The following LRRTM4 variants were observed in gnomAD, a reference collection of about 807,000 sequenced individuals.
LRRTM4 encodes the protein leucine rich repeat transmembrane neuronal 4.
Under a neutral mutation model 47.6 loss-of-function variants are expected in LRRTM4, and 25 were observed. The observed-to-expected ratio is 0.53, with a 90% CI of 0.38 to 0.73. The LOEUF (loss-of-function observed/expected upper bound fraction) is 0.73. Ranked by LOEUF, LRRTM4 falls within the 30% of genes least tolerant of loss-of-function variation. LRRTM4 has a pLI of 0.00. For synonymous variants in LRRTM4, 311 were observed against 269.5 expected (o/e 1.15, Z -1.51); for missense variants, 638 against 713.4 (o/e 0.89, Z 1.20).
At chr2:77,148,382 T>C (rs913722475) in intron 3 of LRRTM4, among the ~76,000 whole-genome samples, 1 of 152,198 alleles carries the variant, frequency 6.6e-6, no homozygotes, top group African/African-American at 2.4e-5. Flanking sequence ...ATTTAACTGC[T>C]ATACTAAGAA....
At chr2:76,833,270 C>T (rs1238791324) in intron 3 of LRRTM4, among the ~76,000 whole-genome samples, 22 of 152,108 alleles carry the variant, frequency 1.4e-4, no homozygotes, top group South Asian at 4.1e-4. Flanking sequence ...AAGAATCCTC[C>T]GTGACTTATC....
At chr2:76,962,602 T>C (rs919384796) in intron 3 of LRRTM4, among the ~76,000 whole-genome samples, 1 of 150,766 alleles carries the variant, frequency 6.6e-6, no homozygotes, top group African/African-American at 2.4e-5. Flanking sequence ...AACCCACGTA[T>C]GTATTTATTT....
chr2:77,046,682 A>G (rs551329807), intron 3 of LRRTM4, among the ~76,000 whole-genome samples: 2 of 152,126 alleles, frequency 1.3e-5, no homozygotes, highest in East Asian at 3.9e-4. Context: ...TAGTAGAAAA[A>G]TAAGATTCAA....
intron 3 of LRRTM4, among the ~76,000 whole-genome samples, chr2:77,199,232 C>T (rs368082366): frequency 3.3e-5 from 5 of 152,302 alleles, no homozygotes; most frequent in African/African-American, 1.2e-4. Flanking sequence ...GGAACCAACT[C>T]TTACTATGCA....
intron 3 of LRRTM4, among the ~76,000 whole-genome samples, chr2:77,069,431 G>A (rs76075232): frequency 0.043 from 6,464 of 151,524 alleles, 155 homozygotes; most frequent in South Asian, 0.081. Flanking sequence ...GTGTGTGTGT[G>A]TGTGTGTTTG....
intron 3 of LRRTM4, among the ~76,000 whole-genome samples, chr2:77,047,546 A>C (rs1006406696): frequency 2.0e-5 from 3 of 151,916 alleles, no homozygotes; most frequent in Non-Finnish European, 4.4e-5. Context: ...CAGGTTATAT[A>C]AACATCACCC....
At chr2:76,769,971 C>T (rs1221797467) in intron 3 of LRRTM4, among the ~76,000 whole-genome samples, 1 of 152,164 alleles carries the variant, frequency 6.6e-6, no homozygotes, top group Non-Finnish European at 1.5e-5. Context: ...CCATCCCAGA[C>T]CTACTCGATC....
At chr2:77,315,101 C>T (rs764981705) in intron 3 of LRRTM4, among the ~76,000 whole-genome samples, 14 of 152,134 alleles carry the variant, frequency 9.2e-5, no homozygotes, top group Admixed American at 5.2e-4. Flanking sequence ...GTAACCCCAT[C>T]GTAAGGAGAG....
At chr2:77,095,806 C>A (rs1670796373) in intron 3 of LRRTM4, among the ~76,000 whole-genome samples, 1 of 152,154 alleles carries the variant, frequency 6.6e-6, no homozygotes, top group Admixed American at 6.5e-5. Context: ...AGCCACTGTG[C>A]CTGGCCTCTA....
chr2:77,305,649 G>A (rs1274878528), intron 3 of LRRTM4, among the ~76,000 whole-genome samples: 1 of 152,102 alleles, frequency 6.6e-6, no homozygotes, highest in Non-Finnish European at 1.5e-5. Context: ...ATGTGTTACT[G>A]CAGAGCTCTT....
At chr2:77,500,785 T>G (rs1162468612) in intron 3 of LRRTM4, among the ~76,000 whole-genome samples, 1 of 151,556 alleles carries the variant, frequency 6.6e-6, no homozygotes, top group Non-Finnish European at 1.5e-5. Flanking sequence ...AAAGTTCATC[T>G]CAATATCCTA....
chr2:76,894,632 T>C (rs182348779), intron 3 of LRRTM4, among the ~76,000 whole-genome samples: 96 of 152,104 alleles, frequency 6.3e-4, no homozygotes, highest in Non-Finnish European at 1.0e-3. Context: ...GAATTATATC[T>C]GGTGATGGTA....
chr2:77,186,281 C>T (rs189973531), intron 3 of LRRTM4, among the ~76,000 whole-genome samples: 105 of 152,236 alleles, frequency 6.9e-4, no homozygotes, highest in African/African-American at 2.5e-3. Flanking sequence ...GTGACCTCCA[C>T]GAAGCTCTCA....
At chr2:76,848,343 C>T (rs1361420859) in intron 3 of LRRTM4, among the ~76,000 whole-genome samples, 2 of 151,870 alleles carry the variant, frequency 1.3e-5, no homozygotes, top group Admixed American at 6.6e-5. Context: ...CTTTATCTAC[C>T]ATCTGCAAAT....
At chr2:77,301,943 G>A (rs554396582) in intron 3 of LRRTM4, among the ~76,000 whole-genome samples, 3 of 152,142 alleles carry the variant, frequency 2.0e-5, no homozygotes, top group South Asian at 2.1e-4. Context: ...AGCAACACTC[G>A]AAAATATTAA....
chr2:77,170,162 A>G lies in LRRTM4; in HGVS notation c.1551+348156T>C, dbSNP rs76830618. The stretch of plus-strand genomic sequence containing the variant: ...GGTGTTAGAGACGAGATATGATCCT[A>G]TATTATATAGGTGGGTCCAGTCTAA... On this transcript the variant is annotated intron_variant, in intron 3 of 3. Transcript: ENST00000409884. 4.6e-4 allele frequency among the ~76,000 whole-genome samples: 70 copies of G among 152,258 alleles called. No individual in the cohort carries two copies. In the East Asian group the frequency reaches 0.013, roughly 27 times the overall value.
chr2:76,981,995 T>G (rs1676625711), intron 3 of LRRTM4, among the ~76,000 whole-genome samples: 1 of 152,116 alleles, frequency 6.6e-6, no homozygotes, highest in South Asian at 2.1e-4. Context: ...TGCCCTTTGA[T>G]GCAAGGGGGC....
chr2:77,297,427 A>C (rs1320347253), intron 3 of LRRTM4, among the ~76,000 whole-genome samples: 1 of 152,202 alleles, frequency 6.6e-6, no homozygotes, highest in African/African-American at 2.4e-5. Flanking sequence ...TAATGAGGCT[A>C]CTGGTTCCAA....
intron 3 of LRRTM4, among the ~76,000 whole-genome samples, chr2:77,488,293 AC>A (rs1678006355): frequency 6.6e-6 from 1 of 152,124 alleles, no homozygotes; most frequent in South Asian, 2.1e-4. Flanking sequence ...GGAACCCAGC[AC>A]CCATGCCAGC....
Sources: gnomAD v4.1 joint callset for allele counts (sites outside exome capture counted in the v4.1 genomes callset) on GRCh38, gnomAD v4.1.1 for gene constraint, MANE v1.5 for transcripts, NCBI Gene and HGNC (gene_info 2026-07-23, HGNC 2026-07-21) for gene names.